Variants in WDR76 observed in about 807,000 individuals in gnomAD.
WDR76 encodes WD repeat-containing protein 76.
A neutral mutation model predicts 70.2 loss-of-function variants in WDR76; 52 were observed. The ratio of observed to expected loss-of-function variants is 0.74; its 90% confidence interval spans 0.59 to 0.93. The LOEUF (loss-of-function observed/expected upper bound fraction) is 0.93, where lower values mean the gene tolerates loss of function less well. WDR76 is among the 40% of genes least tolerant of loss of function. The pLI is 0.00. For synonymous variants in WDR76, 292 were observed against 271.1 expected (o/e 1.08, Z -0.76); for missense variants, 756 against 760.2 (o/e 0.99, Z 0.07).
chr15:43,863,704 C>T (rs2088034787), intron 12 of WDR76, among the ~76,000 whole-genome samples: 1 of 152,076 alleles, frequency 6.6e-6, no homozygotes. Context: ...GGACTTCAGA[C>T]ACACAGAACC....
intron 5 of WDR76, among the ~76,000 whole-genome samples, chr15:43,840,623 G>A (rs1173898062): frequency 2.6e-5 from 4 of 152,126 alleles, no homozygotes; most frequent in African/African-American, 9.7e-5. Flanking sequence ...TGCAAATCTA[G>A]GTGTTATGGG....
rs947724840 is a variant in WDR76, at chr15:43,856,603, CT to C, written c.1192-329del. On this transcript the variant is annotated intron_variant, in intron 9 of 12. Coordinates refer to ENST00000263795, the MANE Select transcript of WDR76 (RefSeq NM_024908.4). ...GTTTCTTTTTTGTTTTGTTTTGTTT[CT>C]TTTTTTTTTTTTTAATTTTCAGTTA... Among the ~76,000 whole-genome samples the C allele has an allele frequency of 5.0e-3, 662 of 131,380 alleles. 2 individuals are homozygous for C. Among genetic ancestry groups the C allele is most frequent in the Middle Eastern group, 0.016 (4 of 254 alleles). 86.2% of individuals were successfully genotyped at this position (131,380 alleles called of 152,430 possible).
rs1219145286 is a variant in WDR76 at position 43,835,410 on chromosome 15, G to A, written c.552+260G>A. ...TGGCTGAGGTGGAAGGATGGCTTGAGTTTGGAAAGTCAAGGCTGCCGTGAG... is the reference window on the plus strand; with the variant it reads ...TGGCTGAGGTGGAAGGATGGCTTGAATTTGGAAAGTCAAGGCTGCCGTGAG... On this transcript the variant is annotated intron_variant, in intron 3 of 12. Transcript: ENST00000263795. 3.3e-5 allele frequency among the ~76,000 whole-genome samples: 5 copies of A among 150,696 alleles called. No individual in the cohort carries two copies. The Admixed American group carries it at 3.4e-4, about 10-fold the overall frequency.
In WDR76 at chr15:43,858,729, T is replaced by C; in HGVS notation, c.1468T>C (p.Ser490Pro). The change falls in exon 11 of 13, where the codon TCT becomes CCT. Residue 490 changes from serine to proline, a missense_variant. Transcript: ENST00000263795. ...TTCCAGGAGAAGTCAGCCTTTGATT[T>C]CTTTGACTGAACATACAAAGAGCAT... is the stretch of plus-strand genomic sequence containing the variant. ...LNSRRSQPLI[S>P]LTEHTKSIAS... 6.2e-7 allele frequency: 1 copy of C among 1,614,212 alleles called. No homozygotes were observed. The highest frequency in any genetic ancestry group is 8.5e-7 in the Non-Finnish European group (1 of 1,180,026).
chr15:43,857,935 T>A (rs2087949229), intron 10 of WDR76, among the ~76,000 whole-genome samples: 1 of 148,724 alleles, frequency 6.7e-6, no homozygotes, highest in Non-Finnish European at 1.5e-5. Context: ...TTTGGGGAAA[T>A]TAATAAGAGT....
chr15:43,856,287 A>G (rs1030400702), intron 9 of WDR76, among the ~76,000 whole-genome samples: 11 of 151,986 alleles, frequency 7.2e-5, no homozygotes, highest in African/African-American at 2.7e-4. Flanking sequence ...AAAAAGTATA[A>G]GCATTAAACA....
intron 9 of WDR76, among the ~76,000 whole-genome samples, chr15:43,856,718 G>A (rs541460571): frequency 5.9e-5 from 9 of 151,924 alleles, no homozygotes; most frequent in Admixed American, 2.0e-4. Flanking sequence ...CCAGAAGAGA[G>A]GACTTGAAAT....
rs186245179 is a variant in WDR76, at chr15:43,840,892, C to A, written c.732+1164C>A. ...GCTCCTCAGGAGGCTGAGGTGGGAG[C>A]ATCACTTGAGACGTTAATTTAAAAA... is the stretch of plus-strand genomic sequence containing the variant. On this transcript the variant is annotated intron_variant, in intron 5 of 12. Coordinates refer to ENST00000263795, the MANE Select transcript of WDR76 (RefSeq NM_024908.4). Among the ~76,000 whole-genome samples, 104 of 152,054 alleles carry A rather than the reference C, an allele frequency of 6.8e-4. 1 individual carries two copies. Among genetic ancestry groups the A allele is most frequent in the African/African-American group, 2.4e-3 (100 of 41,488 alleles).
At chr15:43,861,869 C>G (rs1448406789) in intron 12 of WDR76, among the ~76,000 whole-genome samples, 3 of 138,838 alleles carry the variant, frequency 2.2e-5, no homozygotes, top group Non-Finnish European at 4.6e-5. Context: ...TGGAGTGTCA[C>G]TCTGTTGCCT....
At position 43,842,478 on chromosome 15, in the gene WDR76, T is replaced by C; in HGVS notation, c.796T>C (p.Phe266Leu). ...SENQEDNNER[F>L]KGFLHTWAGM... ...AAATCAAGAAGACAACAATGAACGA[T>C]TTAAAGGATTTCTGCACACATGGGC... Residue 266 changes from phenylalanine to leucine, a missense_variant, in exon 6 of 13, where the codon TTT becomes CTT. Coordinates refer to ENST00000263795, the MANE Select transcript of WDR76 (RefSeq NM_024908.4). 1 of 1,614,072 alleles carries C rather than the reference T, an allele frequency of 6.2e-7. No individual in the cohort carries two copies. Among genetic ancestry groups the C allele is most frequent in the South Asian group, 1.1e-5 (1 of 91,074 alleles).
intron 2 of WDR76, 61 bp from the exon 3 acceptor site, chr15:43,835,000 G>A: frequency 7.2e-7 from 1 of 1,387,052 alleles, no homozygotes; most frequent in Non-Finnish European, 1.0e-6. Flanking sequence ...ATGTAGTTTT[G>A]TGAAGTGCTT....
chr15:43,850,954 T>C, intron 8 of WDR76, 133 bp from the exon 9 acceptor site: 3 of 1,107,584 alleles, frequency 2.7e-6, no homozygotes, highest in Admixed American at 2.8e-5. Context: ...AAGGGGAGAG[T>C]GGTTACAATT....
Position 43,835,056 on chromosome 15 carries a change from T to A in WDR76, c.463-5T>A, listed in dbSNP as rs574700779. 1 of 1,613,228 alleles carries A rather than the reference T, an allele frequency of 6.2e-7. No individual in the cohort carries two copies. Among genetic ancestry groups the A allele is most frequent in the Non-Finnish European group, 8.5e-7 (1 of 1,179,424 alleles). On this transcript the variant is annotated splice_region_variant and splice_polypyrimidine_tract_variant and intron_variant, in intron 2 of 12. Coordinates refer to ENST00000263795, the MANE Select transcript of WDR76 (RefSeq NM_024908.4). Reference sequence around the variant, plus strand: ...TAATGGAATCTTTTTGGTGTAATTTTATAGGATTTTTCGGGATTGTCACCC... The same window carrying A: ...TAATGGAATCTTTTTGGTGTAATTTAATAGGATTTTTCGGGATTGTCACCC...
chr15:43,862,525 T>G (rs1387514122), intron 12 of WDR76, among the ~76,000 whole-genome samples: 1 of 151,050 alleles, frequency 6.6e-6, no homozygotes, highest in African/African-American at 2.4e-5. Flanking sequence ...TTGTTTTTTT[T>G]TGAGACAGAG....
At chr15:43,866,102 A>T in intron 12 of WDR76, 26 bp from the exon 13 acceptor site, 1 of 1,609,426 alleles carries the variant, frequency 6.2e-7, no homozygotes, top group Non-Finnish European at 8.5e-7. Flanking sequence ...TACTTCATTT[A>T]AAAAATATAT....
Position 43,835,160 on chromosome 15 carries a change from G to A in WDR76, c.552+10G>A. The A allele has an allele frequency of 6.2e-7, 1 of 1,613,776 alleles. No homozygotes were observed. The highest frequency in any genetic ancestry group is 8.5e-7 in the Non-Finnish European group (1 of 1,179,798). On this transcript the variant is annotated intron_variant, in intron 3 of 12. Coordinates refer to ENST00000263795, the MANE Select transcript of WDR76 (RefSeq NM_024908.4). ...TCTTCAGTTGTCTGAGGTTTGTGTGGAGTCTATTTAAAAGCAAGATGCAGG... is the reference window on the plus strand; with the variant it reads ...TCTTCAGTTGTCTGAGGTTTGTGTGAAGTCTATTTAAAAGCAAGATGCAGG...
intron 5 of WDR76, among the ~76,000 whole-genome samples, chr15:43,842,051 A>T (rs1359110499): frequency 6.6e-6 from 1 of 152,044 alleles, no homozygotes; most frequent in Admixed American, 6.6e-5. Flanking sequence ...TATTTTTAGT[A>T]GAGATGGGAT....
intron 12 of WDR76, among the ~76,000 whole-genome samples, chr15:43,861,829 TG>T (rs1234912208): frequency 1.8e-4 from 27 of 149,550 alleles, no homozygotes; most frequent in African/African-American, 6.7e-4. Flanking sequence ...AATGTATTTG[TG>T]TATTTTTTTT....
chr15:43,866,654 T>G lies in WDR76; in HGVS notation c.*262T>G. 5.2e-6 allele frequency: 2 copies of G among 383,828 alleles called. No individual in the cohort carries two copies. Among genetic ancestry groups the G allele is most frequent in the Middle Eastern group, 8.1e-4 (1 of 1,236 alleles). 23.8% of individuals were successfully genotyped at this position (383,828 alleles called of 1,614,324 possible). A position where few individuals can be genotyped will look rare whatever the true frequency, so the allele number is the denominator to read the frequency against. On this transcript the variant is annotated 3_prime_UTR_variant, in exon 13 of 13. Coordinates refer to ENST00000263795, the MANE Select transcript of WDR76 (RefSeq NM_024908.4). ...TTTTTTTTTTTTTTTGAGATGGAGT[T>G]TTGCTCTTGTTGCCCAGGCTGGAGT...
Sources: gnomAD v4.1 joint callset for allele counts (sites outside exome capture counted in the v4.1 genomes callset) on GRCh38, gnomAD v4.1.1 for gene constraint, MANE v1.5 for transcripts, NCBI Gene and HGNC (gene_info 2026-07-23, HGNC 2026-07-21) for gene names.